CHN2: variants seen among roughly 807,000 people sequenced by gnomAD.
The protein encoded by CHN2 is beta-chimaerin.
A neutral mutation model predicts 56.3 loss-of-function variants in CHN2; 35 were observed. The ratio of observed to expected loss-of-function variants is 0.62; its 90% CI spans 0.47 to 0.82. The LOEUF is 0.82. CHN2 is among the 40% of genes least tolerant of loss of function. The pLI, the probability that CHN2 is intolerant of heterozygous loss-of-function variation, is 0.00. For missense variants in CHN2, 491 were observed against 580.5 expected (o/e 0.85, Z 1.58); for synonymous variants, 210 against 212.8 (o/e 0.99, Z 0.12).
intron 1 of CHN2, among the ~76,000 whole-genome samples, chr7:29,325,774 T>C (rs1795751088): frequency 1.3e-5 from 2 of 152,186 alleles, no homozygotes; most frequent in African/African-American, 4.8e-5. Context: ...ACACTGTACC[T>C]GGCACCACTG....
chr7:29,151,704 C>T (rs575003963), intron 2 of CHN2, among the ~76,000 whole-genome samples: 4 of 152,272 alleles, frequency 2.6e-5, no homozygotes, highest in East Asian at 1.9e-4. Flanking sequence ...AGGAGTAGAC[C>T]GATGGCATCT....
intron 6 of CHN2, among the ~76,000 whole-genome samples, chr7:29,454,955 TATG>T (rs1241658298): frequency 6.6e-6 from 1 of 152,046 alleles, no homozygotes; most frequent in Non-Finnish European, 1.5e-5. Flanking sequence ...CCCCTTAAAA[TATG>T]ATTTGATTTC....
chr7:29,249,296 A>AT (rs1788308401), intron 1 of CHN2, among the ~76,000 whole-genome samples: 1 of 152,218 alleles, frequency 6.6e-6, no homozygotes, highest in Admixed American at 6.5e-5. Flanking sequence ...TAAGTTCCGG[A>AT]GTCCAAAAGC....
intron 7 of CHN2, among the ~76,000 whole-genome samples, chr7:29,481,419 A>G (rs1190291831): frequency 6.6e-6 from 1 of 152,190 alleles, no homozygotes; most frequent in African/African-American, 2.4e-5. Context: ...ACAAATATTC[A>G]TCTATTAAAT....
intron 6 of CHN2, among the ~76,000 whole-genome samples, chr7:29,440,689 A>AT (rs1180773848): frequency 1.7e-4 from 21 of 126,138 alleles, no homozygotes; most frequent in African/African-American, 7.0e-4. Flanking sequence ...CGTCTCAAAA[A>AT]AAAAAAAAAA....
chr7:29,251,263 G>A (rs928912713), intron 1 of CHN2, among the ~76,000 whole-genome samples: 1 of 152,068 alleles, frequency 6.6e-6, no homozygotes, highest in African/African-American at 2.4e-5. Context: ...GATCAGCCTG[G>A]GCAACACTGC....
At chr7:29,226,101 G>C (rs1786170276) in intron 1 of CHN2, among the ~76,000 whole-genome samples, 1 of 152,152 alleles carries the variant, frequency 6.6e-6, no homozygotes, top group South Asian at 2.1e-4. Flanking sequence ...AATATCTTTT[G>C]AGACATAAAT....
At chr7:29,481,735 G>T (rs938744505) in intron 7 of CHN2, among the ~76,000 whole-genome samples, 32 of 97,616 alleles carry the variant, frequency 3.3e-4, no homozygotes, top group Admixed American at 2.1e-3. Flanking sequence ...GTGTTTTTTT[G>T]ATTTTTAGCA....
intron 6 of CHN2, among the ~76,000 whole-genome samples, chr7:29,473,770 A>G (rs1193182929): frequency 6.6e-6 from 1 of 151,888 alleles, no homozygotes; most frequent in Non-Finnish European, 1.5e-5. Flanking sequence ...TTAGTTGTAG[A>G]ATAGCTCTTT....
intron 1 of CHN2, among the ~76,000 whole-genome samples, chr7:29,280,252 TGG>T (rs1791581906): frequency 1.3e-5 from 2 of 151,514 alleles, no homozygotes; most frequent in Non-Finnish European, 2.9e-5. Flanking sequence ...GGCGTGGTGG[TGG>T]GCGCCTGTAG....
At chr7:29,211,735 C>A (rs1443609886) in intron 1 of CHN2, among the ~76,000 whole-genome samples, 1 of 152,072 alleles carries the variant, frequency 6.6e-6, no homozygotes, top group East Asian at 1.9e-4. Flanking sequence ...TACAGAACAC[C>A]CTATAGGCCC....
At chr7:29,435,967 G>A (rs375516844) in intron 6 of CHN2, among the ~76,000 whole-genome samples, 7 of 147,022 alleles carry the variant, frequency 4.8e-5, no homozygotes, top group East Asian at 2.0e-4. Flanking sequence ...GGAGATAATC[G>A]GCCCAGAATT....
intron 3 of CHN2, among the ~76,000 whole-genome samples, chr7:29,387,206 C>T (rs879203999): frequency 1.9e-5 from 2 of 107,498 alleles, no homozygotes; most frequent in Non-Finnish European, 3.8e-5. Flanking sequence ...CCTATTGCCA[C>T]GATGGTCCAA....
chr7:29,331,723 T>C (rs558646259), intron 1 of CHN2, among the ~76,000 whole-genome samples: 3 of 151,604 alleles, frequency 2.0e-5, no homozygotes, highest in Non-Finnish European at 4.4e-5. Context: ...AGGGAAGGAG[T>C]GCAGAGGGTG....
intron 2 of CHN2, among the ~76,000 whole-genome samples, chr7:29,178,787 A>G (rs1797701478): frequency 6.6e-6 from 1 of 152,214 alleles, no homozygotes; most frequent in Non-Finnish European, 1.5e-5. Flanking sequence ...CTGCATTCAT[A>G]TGAAAAATGA....
chr7:29,282,807 A>T (rs567040158), intron 1 of CHN2, among the ~76,000 whole-genome samples: 1 of 152,250 alleles, frequency 6.6e-6, no homozygotes, highest in Non-Finnish European at 1.5e-5. Flanking sequence ...ACAGAGAAAG[A>T]CATAATCTTA....
chr7:29,473,476 T>TGTGTGTGTGTG (rs1232651713), intron 6 of CHN2, among the ~76,000 whole-genome samples: 3 of 111,632 alleles, frequency 2.7e-5, no homozygotes, highest in African/African-American at 1.0e-4. Flanking sequence ...TTGTGTTTTT[T>TGTGTGTGTGTG]TTTTTTTGTG....
At chr7:29,475,464 GTAT>G (rs776187746) in intron 6 of CHN2, among the ~76,000 whole-genome samples, 43 of 152,148 alleles carry the variant, frequency 2.8e-4, no homozygotes, top group Non-Finnish European at 1.5e-4. Context: ...TTTAATGTAA[GTAT>G]TATGGGGATG....
At chr7:29,330,547 C>T (rs1562522600) in intron 1 of CHN2, among the ~76,000 whole-genome samples, 1 of 152,182 alleles carries the variant, frequency 6.6e-6, no homozygotes. Context: ...TCTGATTGAC[C>T]TTCCAGAGAC....
Sources: allele counts gnomAD v4.1 joint callset (sites outside exome capture counted in the v4.1 genomes callset), GRCh38; gene constraint gnomAD v4.1.1; transcripts MANE v1.5; gene names NCBI Gene and HGNC (gene_info 2026-07-23, HGNC 2026-07-21).